Variants in EDDM13 observed in about 807,000 individuals in gnomAD.
The protein encoded by EDDM13 is epididymal protein 13.
In EDDM13, 24 loss-of-function variants were observed where a neutral mutation model predicts 17.8. That is an observed-to-expected ratio of 1.35 (90% CI 0.98 to 1.90). The LOEUF is 1.90. EDDM13 is among the 40% of genes most tolerant of loss of function. The pLI, the probability that EDDM13 is intolerant of heterozygous loss-of-function variation, is 0.00. For missense variants in EDDM13, 97 were observed against 100.8 expected (o/e 0.96, Z 0.16); for synonymous variants, 31 against 37.5 (o/e 0.83, Z 0.63).
rs181398101 is a variant in EDDM13 at position 56,273,405 on chromosome 19, C to G, written c.85+486C>G. On this transcript the variant is annotated intron_variant, in intron 1 of 14. Transcript: ENST00000649256. ...AACTCTGAGTTCCCATTTCCTCATT[C>G]GATCCACAAATGTTTATTCCTGGTT... Among the ~76,000 whole-genome samples, 23 of 152,296 alleles carry G rather than the reference C, an allele frequency of 1.5e-4. No individual in the cohort carries two copies. In the East Asian group the frequency reaches 1.5e-3, roughly 10 times the overall value.
At chr19:56,299,505 T>C (rs1311259119) in intron 12 of EDDM13, among the ~76,000 whole-genome samples, 1 of 151,354 alleles carries the variant, frequency 6.6e-6, no homozygotes, top group East Asian at 1.9e-4. Flanking sequence ...TAATAAGGAA[T>C]AGCCACCAAA....
chr19:56,277,180 T>C (rs1337725609), intron 2 of EDDM13, among the ~76,000 whole-genome samples: 2 of 152,186 alleles, frequency 1.3e-5, no homozygotes, highest in African/African-American at 2.4e-5. Flanking sequence ...AATTCCGCTC[T>C]AGGTATGTGC....
At chr19:56,293,967 C>A (rs2039691941) in intron 9 of EDDM13, among the ~76,000 whole-genome samples, 1 of 152,214 alleles carries the variant, frequency 6.6e-6, no homozygotes, top group African/African-American at 2.4e-5. Context: ...AGGACCACCT[C>A]ATTTACCTTT....
intron 11 of EDDM13, among the ~76,000 whole-genome samples, chr19:56,296,789 T>A (rs995457305): frequency 6.6e-6 from 1 of 152,104 alleles, no homozygotes; most frequent in South Asian, 2.1e-4. Flanking sequence ...ATCCCAGCAC[T>A]TTGGGAGGCC....
chr19:56,283,537 G>C (rs910933507), intron 4 of EDDM13: 4 of 152,182 alleles, frequency 2.6e-5, no homozygotes, highest in African/African-American at 9.7e-5. Context: ...ACGATTTTCA[G>C]TGATACCGAG....
At chr19:56,294,500 T>C (rs1436424968) in intron 9 of EDDM13, among the ~76,000 whole-genome samples, 1 of 152,232 alleles carries the variant, frequency 6.6e-6, no homozygotes, top group African/African-American at 2.4e-5. Flanking sequence ...TTTTTTTTTC[T>C]GTTTTCTGTA....
intron 9 of EDDM13, among the ~76,000 whole-genome samples, chr19:56,292,928 T>C (rs572710885): frequency 9.8e-4 from 150 of 152,342 alleles, no homozygotes; most frequent in Middle Eastern, 3.4e-3. Context: ...CAATACTCCA[T>C]TGCATGGATA....
chr19:56,300,813 T>A (rs1412862655), intron 12 of EDDM13, among the ~76,000 whole-genome samples: 3 of 151,690 alleles, frequency 2.0e-5, no homozygotes, highest in Non-Finnish European at 2.9e-5. Flanking sequence ...AAAAAAAAAA[T>A]GAGATTTTCT....
At chr19:56,281,831 T>A in intron 3 of EDDM13, 133 bp downstream of exon 3, 1 of 366,228 alleles carries the variant, frequency 2.7e-6, no homozygotes, top group Non-Finnish European at 3.8e-6. Flanking sequence ...TGTCCTCAAT[T>A]CAAACATGAC....
rs948186996 is a variant in EDDM13 at position 56,288,868 on chromosome 19, C to T, written c.209-6C>T. Among the ~76,000 whole-genome samples the T allele has an allele frequency of 6.6e-6, 1 of 152,172 alleles. No individual in the cohort carries two copies. The stretch of plus-strand genomic sequence containing the variant: ...CAACCTGGGCTGCCTACATTCTAGC[C>T]TCCAGATAGGACAGAAGAAGAAAGT... On this transcript the variant is annotated splice_region_variant and splice_polypyrimidine_tract_variant and intron_variant, in intron 7 of 14. Transcript: ENST00000649256.
At chr19:56,308,097 A>G (rs1300481498) in intron 14 of EDDM13, among the ~76,000 whole-genome samples, 2 of 152,194 alleles carry the variant, frequency 1.3e-5, no homozygotes, top group Non-Finnish European at 2.9e-5. Context: ...GCAGTGGCGC[A>G]ATCTTGGCTC....
intron 13 of EDDM13, among the ~76,000 whole-genome samples, chr19:56,304,150 G>C (rs2040526753): frequency 6.6e-6 from 1 of 152,200 alleles, no homozygotes; most frequent in Admixed American, 6.5e-5. Context: ...GACAGACTGA[G>C]AGGAGGAGAC....
intron 13 of EDDM13, among the ~76,000 whole-genome samples, chr19:56,303,912 C>A (rs554069431): frequency 6.6e-6 from 1 of 152,060 alleles, no homozygotes; most frequent in South Asian, 2.1e-4. Flanking sequence ...CACAGCAGAC[C>A]CTGAGGCAGG....
intron 1 of EDDM13, among the ~76,000 whole-genome samples, chr19:56,275,469 G>A (rs2038178988): frequency 1.3e-5 from 2 of 152,204 alleles, no homozygotes; most frequent in Admixed American, 1.3e-4. Flanking sequence ...AGTGGCTCAA[G>A]CCTTTAATCC....
chr19:56,287,228 G>A (rs75119025), intron 6 of EDDM13, among the ~76,000 whole-genome samples: 64 of 152,252 alleles, frequency 4.2e-4, no homozygotes, highest in African/African-American at 1.4e-3. Context: ...CTTGCCCATC[G>A]ACCTGGAAGT....
rs916406532 is a variant in EDDM13 at position 56,287,676 on chromosome 19, G to C, written c.155-709G>C. 5.3e-4 allele frequency among the ~76,000 whole-genome samples: 80 copies of C among 152,178 alleles called. 2 individuals are homozygous for C. Among genetic ancestry groups the C allele is most frequent in the Non-Finnish European group, 1.9e-4 (13 of 68,024 alleles). On this transcript the variant is annotated intron_variant, in intron 6 of 14. Coordinates refer to ENST00000649256, the MANE Select transcript of EDDM13 (RefSeq NM_001354658.2). ...ATAATAACGGCAGGGGGTTGAGGCA[G>C]ATGTGGAGGAAGTCACAGACTCATG... is the stretch of plus-strand genomic sequence containing the variant.
intron 2 of EDDM13, among the ~76,000 whole-genome samples, chr19:56,278,101 A>ATTT (rs34892463): frequency 1.0e-4 from 15 of 144,862 alleles, no homozygotes; most frequent in African/African-American, 3.6e-4. Flanking sequence ...ACAATGTGCT[A>ATTT]TTTTTTTTTT....
At chr19:56,276,176 T>C (rs2038236579) in intron 2 of EDDM13, among the ~76,000 whole-genome samples, 67 bp downstream of exon 2, 2 of 152,222 alleles carry the variant, frequency 1.3e-5, no homozygotes, top group South Asian at 4.1e-4. Context: ...TTTTCGATCT[T>C]GCAACCTCTC....
intron 12 of EDDM13, 85 bp downstream of exon 12, chr19:56,297,616 G>C (rs1332468347): frequency 1.2e-6 from 1 of 816,960 alleles, no homozygotes; most frequent in Admixed American, 6.3e-5. Context: ...TAGAAGAGAA[G>C]ATTTCAGGTA....
Sources: gnomAD v4.1 joint callset for allele counts (sites outside exome capture counted in the v4.1 genomes callset) on GRCh38, gnomAD v4.1.1 for gene constraint, MANE v1.5 for transcripts, NCBI Gene and HGNC (gene_info 2026-07-23, HGNC 2026-07-21) for gene names.